The following NIM1K variants were observed in gnomAD, a reference collection of about 807,000 sequenced individuals.
NIM1K encodes serine/threonine-protein kinase NIM1.
NIM1K carries 35 observed loss-of-function variants against 37.1 expected under a neutral mutation model. The observed-to-expected ratio is 0.94, with a 90% CI of 0.72 to 1.25. The LOEUF (loss-of-function observed/expected upper bound fraction) is 1.25. NIM1K is among the 50% of genes most tolerant of loss of function. The pLI is 0.00. For synonymous variants in NIM1K, 234 were observed against 206.6 expected, an observed-to-expected ratio of 1.13 and a Z score of -1.14; for missense variants, 564 against 548.0, an observed-to-expected ratio of 1.03 and a Z score of -0.29.
intron 1 of NIM1K, among the ~76,000 whole-genome samples, chr5:43,214,877 A>G (rs768915271): frequency 4.0e-5 from 6 of 151,356 alleles, no homozygotes; most frequent in Non-Finnish European, 8.8e-5. Flanking sequence ...CTTCATGGTT[A>G]TTTAACTTAC....
At chr5:43,206,618 G>A in intron 1 of NIM1K, 1 of 646,698 alleles carries the variant, frequency 1.5e-6, no homozygotes, top group Admixed American at 2.2e-5. Context: ...TGGCCTCCCT[G>A]GTGCAGCGCA....
At chr5:43,216,952 T>G (rs915264941) in intron 1 of NIM1K, among the ~76,000 whole-genome samples, 7 of 152,236 alleles carry the variant, frequency 4.6e-5, no homozygotes, top group African/African-American at 1.7e-4. Flanking sequence ...TTAATTCCTT[T>G]AGTTATTTTA....
Position 43,233,187 on chromosome 5 carries a change from C to A in NIM1K, c.-694-11895C>A, listed in dbSNP as rs746036144. The A allele has an allele frequency of 3.4e-6, 4 of 1,171,096 alleles. No homozygotes were observed. In the African/African-American group the frequency reaches 6.0e-5, roughly 18 times the overall value. 72.5% of individuals were successfully genotyped at this position (1,171,096 alleles called of 1,614,324 possible). ...GCGGTCACGCATGATTACTGCTTCA[C>A]GGCTGCCGAGGCGATGGTGGAGACA... is the stretch of plus-strand genomic sequence containing the variant. On this transcript the variant is annotated intron_variant, in intron 1 of 3. Transcript: ENST00000326035.
chr5:43,272,479 G>C (rs1230796825), intron 2 of NIM1K, among the ~76,000 whole-genome samples: 1 of 152,010 alleles, frequency 6.6e-6, no homozygotes, highest in African/African-American at 2.4e-5. Context: ...AATCTCCTTA[G>C]TCCTCTGGGT....
intron 2 of NIM1K, among the ~76,000 whole-genome samples, chr5:43,276,616 C>CCAGG (rs1341403674): frequency 6.6e-6 from 1 of 152,208 alleles, no homozygotes; most frequent in African/African-American, 2.4e-5. Flanking sequence ...AGAGAATGAA[C>CCAGG]CAGGTAGAGA....
chr5:43,280,815 T>A lies in NIM1K; in HGVS notation c.*86T>A. 1 of 1,293,228 alleles carries A rather than the reference T, an allele frequency of 7.7e-7. No individual in the cohort carries two copies. The highest frequency in any genetic ancestry group is 1.0e-6 in the Non-Finnish European group (1 of 956,760). 80.1% of individuals were successfully genotyped at this position (1,293,228 alleles called of 1,614,324 possible). A position where few individuals can be genotyped will look rare whatever the true frequency, so the allele number is the denominator to read the frequency against. On this transcript the variant is annotated 3_prime_UTR_variant, in exon 4 of 4. Coordinates refer to ENST00000326035, the MANE Select transcript of NIM1K (RefSeq NM_153361.4). ...AGGACAACTTGAGTGGAGACATTTT[T>A]GTAATTTTTAAATAAACTTAAATTT...
rs531171073 is a variant in NIM1K, at chr5:43,207,081, G to C, written c.-695+14670G>C. 5 of 719,094 alleles carry C rather than the reference G, an allele frequency of 7.0e-6. No homozygotes were observed. The East Asian group carries it at 1.0e-4, about 14-fold the overall frequency. The allele number at this position is 719,094 out of a possible 1,614,324, so 44.5% of individuals were successfully genotyped here. On this transcript the variant is annotated intron_variant, in intron 1 of 3. Coordinates refer to ENST00000326035, the MANE Select transcript of NIM1K (RefSeq NM_153361.4). ...ATTGGCCCATTACCTATGGGCGCCT[G>C]GTTGAATATGACATAGATTGAGGTG...
chr5:43,196,452 C>A (rs1481129510), intron 1 of NIM1K, among the ~76,000 whole-genome samples: 1 of 149,722 alleles, frequency 6.7e-6, no homozygotes, highest in African/African-American at 2.5e-5. Flanking sequence ...CACAGTGAAA[C>A]CCTGTCTCTA....
At chr5:43,194,301 T>C (rs1356890301) in intron 1 of NIM1K, among the ~76,000 whole-genome samples, 1 of 152,152 alleles carries the variant, frequency 6.6e-6, no homozygotes, top group African/African-American at 2.4e-5. Flanking sequence ...TGAATCCAAC[T>C]CCCCATGGAC....
At chr5:43,265,851 A>G (rs1753143209) in intron 2 of NIM1K, among the ~76,000 whole-genome samples, 1 of 152,134 alleles carries the variant, frequency 6.6e-6, no homozygotes, top group South Asian at 2.1e-4. Flanking sequence ...AACAGACAGG[A>G]CCCTCAGCTG....
chr5:43,235,845 C>CTT (rs77554972), intron 1 of NIM1K, among the ~76,000 whole-genome samples: 50 of 142,646 alleles, frequency 3.5e-4, no homozygotes, highest in African/African-American at 1.1e-3. Context: ...CCCTCCCCAT[C>CTT]TTTTTTTTTT....
intron 1 of NIM1K, among the ~76,000 whole-genome samples, chr5:43,220,874 G>A (rs1017026485): frequency 6.6e-6 from 1 of 152,144 alleles, no homozygotes; most frequent in Non-Finnish European, 1.5e-5. Context: ...GAAGAAGGTA[G>A]TAAGCATAGG....
chr5:43,237,142 G>T (rs902516667), intron 1 of NIM1K, among the ~76,000 whole-genome samples: 1 of 152,192 alleles, frequency 6.6e-6, no homozygotes, highest in Non-Finnish European at 1.5e-5. Flanking sequence ...TTCTTTTAAG[G>T]AAACCAATGC....
At position 43,200,401 on chromosome 5, in the gene NIM1K, C is replaced by T. The variant is rs529611879; in HGVS notation, c.-695+7990C>T. 6.6e-5 allele frequency among the ~76,000 whole-genome samples: 10 copies of T among 152,206 alleles called. No individual in the cohort carries two copies. The South Asian group carries it at 1.9e-3, about 28-fold the overall frequency. On this transcript the variant is annotated intron_variant, in intron 1 of 3. Transcript: ENST00000326035. Reference sequence around the variant, plus strand: ...CTGCAAACTCCGCCTCCCAGGTTCACGCCATTCTCCTGCCTCAGCCTCCCG... The same window carrying T: ...CTGCAAACTCCGCCTCCCAGGTTCATGCCATTCTCCTGCCTCAGCCTCCCG...
At chr5:43,193,812 G>A (rs1751868358) in intron 1 of NIM1K, among the ~76,000 whole-genome samples, 1 of 152,144 alleles carries the variant, frequency 6.6e-6, no homozygotes, top group Admixed American at 6.5e-5. Flanking sequence ...TGGTTGTCAT[G>A]GTTACTGAAG....
intron 2 of NIM1K, among the ~76,000 whole-genome samples, chr5:43,275,611 A>T (rs1753326123): frequency 6.6e-6 from 1 of 152,184 alleles, no homozygotes; most frequent in African/African-American, 2.4e-5. Flanking sequence ...ACATGACATT[A>T]CATGCCAGGC....
At position 43,245,878 on chromosome 5, in the gene NIM1K, A is replaced by AAGGAGGGTG; in HGVS notation, c.111_119dup (p.Glu38_Gly40dup). The stretch of plus-strand genomic sequence containing the variant: ...AAGTGGCTGTCAGACCGAGAGTAGC[A>AAGGAGGGTG]AGGAGGGTGAGGAGGGACAGCCCCG... On this transcript the variant is annotated inframe_insertion, in exon 2 of 4. Coordinates refer to ENST00000326035, the MANE Select transcript of NIM1K (RefSeq NM_153361.4). 1.2e-6 allele frequency: 2 copies of AAGGAGGGTG among 1,614,110 alleles called. No individual in the cohort carries two copies. Among genetic ancestry groups the AAGGAGGGTG allele is most frequent in the Non-Finnish European group, 1.7e-6 (2 of 1,180,010 alleles).
At chr5:43,206,613 T>G in intron 1 of NIM1K, 2 of 621,866 alleles carry the variant, frequency 3.2e-6, no homozygotes, top group Admixed American at 4.9e-5. Context: ...AGTCCTGGCC[T>G]CCCTGGTGCA....
chr5:43,223,138 C>CAA (rs35802290), intron 1 of NIM1K, among the ~76,000 whole-genome samples: 2 of 85,786 alleles, frequency 2.3e-5, no homozygotes, highest in East Asian at 3.2e-4. Context: ...GACTCCATCT[C>CAA]AAAAAAAAAA....
Sources: allele counts gnomAD v4.1 joint callset (sites outside exome capture counted in the v4.1 genomes callset), GRCh38; gene constraint gnomAD v4.1.1; transcripts MANE v1.5; gene names NCBI Gene and HGNC (gene_info 2026-07-23, HGNC 2026-07-21).